LRRC4C: variants seen among roughly 807,000 people sequenced by gnomAD.
The protein encoded by LRRC4C is leucine-rich repeat-containing protein 4C.
In LRRC4C, 5 loss-of-function variants were observed where a neutral mutation model predicts 33.6. The observed-to-expected ratio is 0.15, with a 90% CI of 0.08 to 0.31. The LOEUF is 0.31. LRRC4C is among the 10% of genes least tolerant of loss of function. The pLI is 1.00. For missense variants in LRRC4C, 560 were observed against 796.7 expected, an observed-to-expected ratio of 0.70 and a Z score of 3.58; for synonymous variants, 329 against 302.0, an observed-to-expected ratio of 1.09 and a Z score of -0.93.
Position 41,427,601 on chromosome 11 carries a change from C to T in LRRC4C, c.-496+31830G>A, listed in dbSNP as rs575600742. On this transcript the variant is annotated intron_variant, in intron 1 of 6. Coordinates refer to ENST00000528697, the MANE Select transcript of LRRC4C (RefSeq NM_001258419.2). Reference sequence around the variant, plus strand: ...CTAGTGTGAAGATTTAAGGCAATGACAAGCTTGATATGTTTTAGAAACAGT... The same window carrying T: ...CTAGTGTGAAGATTTAAGGCAATGATAAGCTTGATATGTTTTAGAAACAGT... 1.6e-4 allele frequency among the ~76,000 whole-genome samples: 24 copies of T among 152,210 alleles called. No individual in the cohort carries two copies. In the South Asian group the frequency reaches 4.8e-3, roughly 30 times the overall value.
intron 2 of LRRC4C, among the ~76,000 whole-genome samples, chr11:40,886,901 G>GTA (rs1328614587): frequency 2.0e-5 from 3 of 148,808 alleles, no homozygotes; most frequent in Non-Finnish European, 3.0e-5. Context: ...GTGTGTGTGT[G>GTA]TATATACACA....
chr11:40,498,258 C>A (rs1954573022), intron 3 of LRRC4C, among the ~76,000 whole-genome samples: 1 of 152,210 alleles, frequency 6.6e-6, no homozygotes, highest in Non-Finnish European at 1.5e-5. Flanking sequence ...CTAGACCACA[C>A]TCCTGGAAGT....
chr11:40,604,077 A>G (rs1960308397), intron 3 of LRRC4C, among the ~76,000 whole-genome samples: 1 of 152,178 alleles, frequency 6.6e-6, no homozygotes, highest in African/African-American at 2.4e-5. Flanking sequence ...ACATACAGAT[A>G]GAAAGAAAGA....
chr11:40,475,379 C>A (rs1953160738), intron 3 of LRRC4C, among the ~76,000 whole-genome samples: 1 of 152,112 alleles, frequency 6.6e-6, no homozygotes, highest in Non-Finnish European at 1.5e-5. Flanking sequence ...CATATTCTCA[C>A]TCAAAAGTGG....
intron 1 of LRRC4C, among the ~76,000 whole-genome samples, chr11:41,284,572 T>A (rs887009332): frequency 2.0e-5 from 3 of 152,130 alleles, no homozygotes; most frequent in Non-Finnish European, 4.4e-5. Flanking sequence ...TTAACCACAT[T>A]GAAAAATTCA....
intron 4 of LRRC4C, among the ~76,000 whole-genome samples, chr11:40,290,252 C>T (rs1199313322): frequency 6.6e-6 from 1 of 152,120 alleles, no homozygotes; most frequent in Non-Finnish European, 1.5e-5. Context: ...TCTACAAATG[C>T]TGACTTAACT....
intron 2 of LRRC4C, among the ~76,000 whole-genome samples, chr11:40,676,606 C>T (rs775694461): frequency 5.9e-5 from 9 of 152,140 alleles, no homozygotes; most frequent in Non-Finnish European, 1.2e-4. Context: ...TAAATTTTTC[C>T]TTTGCTCCAT....
At chr11:41,280,711 A>G (rs1697899334) in intron 1 of LRRC4C, among the ~76,000 whole-genome samples, 1 of 152,234 alleles carries the variant, frequency 6.6e-6, no homozygotes, top group African/African-American at 2.4e-5. Context: ...TAGTATAGAA[A>G]TGTCAAATTG....
chr11:41,118,777 T>C (rs1230666236), intron 1 of LRRC4C, among the ~76,000 whole-genome samples: 1 of 152,176 alleles, frequency 6.6e-6, no homozygotes, highest in East Asian at 1.9e-4. Flanking sequence ...TTGACCTAGT[T>C]TGAGTGTTGT....
chr11:41,232,703 CAG>C (rs765305054), intron 1 of LRRC4C, among the ~76,000 whole-genome samples: 5 of 150,696 alleles, frequency 3.3e-5, no homozygotes, highest in African/African-American at 7.3e-5. Flanking sequence ...TGAAATAATT[CAG>C]AGAGATAAAG....
chr11:41,004,122 A>C (rs951114542), intron 1 of LRRC4C, among the ~76,000 whole-genome samples: 2 of 152,180 alleles, frequency 1.3e-5, no homozygotes, highest in African/African-American at 4.8e-5. Flanking sequence ...GGCCTGTGGT[A>C]GGTTGGCACA....
At chr11:40,237,380 T>C (rs1403530071) in intron 5 of LRRC4C, among the ~76,000 whole-genome samples, 2 of 151,848 alleles carry the variant, frequency 1.3e-5, no homozygotes, top group African/African-American at 4.8e-5. Context: ...GCATTAGAGG[T>C]CCAGAGTCTT....
chr11:40,668,348 C>G (rs528365451), intron 2 of LRRC4C, among the ~76,000 whole-genome samples: 1 of 152,190 alleles, frequency 6.6e-6, no homozygotes, highest in South Asian at 2.1e-4. Flanking sequence ...TCTGGCAAAT[C>G]AATGTGTCCT....
chr11:40,498,651 G>A (rs1010757715), intron 3 of LRRC4C, among the ~76,000 whole-genome samples: 4 of 152,086 alleles, frequency 2.6e-5, no homozygotes, highest in African/African-American at 4.8e-5. Context: ...GCAATGTTGT[G>A]GTGAGAATTG....
At chr11:41,151,749 A>G (rs1229672638) in intron 1 of LRRC4C, among the ~76,000 whole-genome samples, 5 of 152,220 alleles carry the variant, frequency 3.3e-5, no homozygotes, top group African/African-American at 1.2e-4. Context: ...ACTAAAAAAG[A>G]TGGCCAACAC....
At chr11:40,185,756 G>A (rs1040071584) in intron 5 of LRRC4C, among the ~76,000 whole-genome samples, 1 of 152,162 alleles carries the variant, frequency 6.6e-6, no homozygotes, top group Non-Finnish European at 1.5e-5. Context: ...TAAAGTAATG[G>A]AGATTAAGTT....
In LRRC4C at chr11:40,389,477, A is replaced by AAAAC. The variant is rs137888662; in HGVS notation, c.-269-69757_-269-69756insGTTT. Among the ~76,000 whole-genome samples the AAAAC allele has an allele frequency of 8.7e-3, 1,309 of 151,234 alleles. 11 individuals are homozygous for AAAAC. Among genetic ancestry groups the AAAAC allele is most frequent in the East Asian group, 0.031 (159 of 5,158 alleles). The stretch of plus-strand genomic sequence containing the variant: ...TAATCTCATGTATGTCTCAAAAAAA[A>AAAAC]AAATAATCAAAAAACCATTATTTTT... On this transcript the variant is annotated intron_variant, in intron 3 of 6. Coordinates refer to ENST00000528697, the MANE Select transcript of LRRC4C (RefSeq NM_001258419.2).
At chr11:41,115,594 T>C (rs1304861380) in intron 1 of LRRC4C, among the ~76,000 whole-genome samples, 1 of 152,068 alleles carries the variant, frequency 6.6e-6, no homozygotes, top group Non-Finnish European at 1.5e-5. Context: ...AAAATAATAG[T>C]GTACCCAGTT....
At chr11:41,105,359 G>A (rs1160735404) in intron 1 of LRRC4C, among the ~76,000 whole-genome samples, 6 of 152,018 alleles carry the variant, frequency 3.9e-5, no homozygotes, top group Middle Eastern at 3.4e-3. Flanking sequence ...GCCCTGCTTC[G>A]AAGTTCCAAT....
Sources: allele counts gnomAD v4.1 joint callset (sites outside exome capture counted in the v4.1 genomes callset), GRCh38; gene constraint gnomAD v4.1.1; transcripts MANE v1.5; gene names NCBI Gene and HGNC (gene_info 2026-07-23, HGNC 2026-07-21).